The following IYD variants were observed in gnomAD, a reference collection of about 807,000 sequenced individuals.
IYD encodes iodotyrosine deiodinase 1.
IYD carries 25 observed loss-of-function variants against 28.4 expected under a neutral mutation model. That is an observed-to-expected ratio of 0.88 (90% CI 0.64 to 1.23). IYD has a LOEUF of 1.23. IYD is among the 50% of genes most tolerant of loss of function. The pLI, the probability that IYD is intolerant of heterozygous loss-of-function variation, is 0.00. For missense variants in IYD, 352 were observed against 357.9 expected, an observed-to-expected ratio of 0.98 and a Z score of 0.13; for synonymous variants, 140 against 130.8, an observed-to-expected ratio of 1.07 and a Z score of -0.48.
intron 4 of IYD, chr6:150,395,900 C>A: frequency 1.9e-6 from 1 of 539,612 alleles, no homozygotes; most frequent in South Asian, 2.5e-5. Context: ...ATGGGGTACC[C>A]CTTGGCCACT....
At position 150,400,716 on chromosome 6, in the gene IYD, T is replaced by C. The variant is rs572149862; in HGVS notation, c.*2479T>C. 1 of 152,302 alleles carries C rather than the reference T, an allele frequency of 6.6e-6. No homozygotes were observed. The highest frequency in any genetic ancestry group is 2.1e-4 in the South Asian group (1 of 4,818). 9.4% of individuals were successfully genotyped at this position (152,302 alleles called of 1,614,324 possible). On this transcript the variant is annotated 3_prime_UTR_variant, in exon 5 of 5. Coordinates refer to ENST00000344419, the MANE Select transcript of IYD (RefSeq NM_203395.3). ...ATCATCATTGGGACCACCTGGGCGCTTGTTAGAATCAAAGACTCTCAGGCC... is the reference window on the plus strand; with the variant it reads ...ATCATCATTGGGACCACCTGGGCGCCTGTTAGAATCAAAGACTCTCAGGCC...
chr6:150,369,269 A>T, intron 1 of IYD, 60 bp downstream of exon 1: 1 of 1,513,728 alleles, frequency 6.6e-7, no homozygotes, highest in Non-Finnish European at 9.1e-7. Context: ...GATGAGTGTG[A>T]GTCAATGGCA....
In IYD at chr6:150,399,466, C is replaced by T. The variant is rs1252659368; in HGVS notation, c.*1229C>T. On this transcript the variant is annotated 3_prime_UTR_variant, in exon 5 of 5. Coordinates refer to ENST00000344419, the MANE Select transcript of IYD (RefSeq NM_203395.3). ...GGTTGGGAATGCTAGATGTAGTCTT[C>T]ACCCATCACCTTCTGTCGTCCTCCC... The T allele has an allele frequency of 6.6e-6, 1 of 152,286 alleles. No homozygotes were observed. Among genetic ancestry groups the T allele is most frequent in the Non-Finnish European group, 1.5e-5 (1 of 68,126 alleles). 9.4% of individuals were successfully genotyped at this position (152,286 alleles called of 1,614,324 possible).
At chr6:150,387,421 A>T (rs1250427422) in intron 1 of IYD, among the ~76,000 whole-genome samples, 1 of 124,316 alleles carries the variant, frequency 8.0e-6, no homozygotes, top group Non-Finnish European at 1.6e-5. Flanking sequence ...GAAAGAAAAA[A>T]GTTCTTGTAA....
chr6:150,391,231 A>T (rs1438428421), intron 2 of IYD, among the ~76,000 whole-genome samples: 2 of 104,884 alleles, frequency 1.9e-5, no homozygotes, highest in Non-Finnish European at 3.6e-5. Context: ...GTGAGACGCC[A>T]TCAAAAAAAA....
chr6:150,385,261 A>G (rs1286793589), intron 1 of IYD: 1 of 152,182 alleles, frequency 6.6e-6, no homozygotes, highest in Non-Finnish European at 1.5e-5. Context: ...TTTCATATTT[A>G]GAATTGTGGT....
rs1458696581 is a variant in IYD, at chr6:150,389,543, G to A, written c.370G>A (p.Gly124Arg). 6.2e-7 allele frequency: 1 copy of A among 1,613,482 alleles called. No homozygotes were observed. The highest frequency in any genetic ancestry group is 8.5e-7 in the Non-Finnish European group (1 of 1,179,516). Residue 124 changes from glycine to arginine, a missense_variant and splice_region_variant, in exon 2 of 5, where the codon GGA becomes AGA. Physicochemically the swap from Gly to Arg is moderately radical, Grantham distance 125. Transcript: ENST00000344419. ...CATTGATAATGTCATCAGAACGGCA[G>A]GTTTGTAATTGCAGATGGGGTCTTT... ...EVIDNVIRTA[G>R]TAPSGAHTEP...
At chr6:150,379,944 T>C (rs1473718341) in intron 1 of IYD, among the ~76,000 whole-genome samples, 2 of 152,242 alleles carry the variant, frequency 1.3e-5, no homozygotes, top group South Asian at 2.1e-4. Context: ...TATTGCCCCA[T>C]GCTATGCATG....
At chr6:150,372,706 TGGGGGTGGTG>T (rs1777310690) in intron 1 of IYD, among the ~76,000 whole-genome samples, 43 of 21,052 alleles carry the variant, frequency 2.0e-3, no homozygotes, top group Admixed American at 0.015. Context: ...GGGGGTGTGT[TGGGGGTGGTG>T]AGGGAACATT....
At chr6:150,379,569 C>T (rs965608060) in intron 1 of IYD, among the ~76,000 whole-genome samples, 1 of 152,204 alleles carries the variant, frequency 6.6e-6, no homozygotes, top group Non-Finnish European at 1.5e-5. Context: ...TGCATACATA[C>T]ATTTGCTGCT....
intron 1 of IYD, 69 bp downstream of exon 1, chr6:150,369,278 C>G: frequency 6.8e-7 from 1 of 1,476,972 alleles, no homozygotes; most frequent in Middle Eastern, 2.4e-4. Flanking sequence ...GAGTCAATGG[C>G]AGGGCTTATG....
intron 4 of IYD, among the ~76,000 whole-genome samples, chr6:150,397,498 A>T (rs762652609): frequency 6.8e-6 from 1 of 147,954 alleles, no homozygotes; most frequent in Admixed American, 6.9e-5. Context: ...TGAGCCCAGG[A>T]GGCAGAGGTT....
intron 1 of IYD, among the ~76,000 whole-genome samples, chr6:150,375,612 C>T (rs1466250314): frequency 2.0e-5 from 3 of 148,244 alleles, no homozygotes; most frequent in Non-Finnish European, 4.5e-5. Flanking sequence ...GGAAGTGGGT[C>T]AAAGCAGCCT....
chr6:150,380,310 C>T (rs1452989220), intron 1 of IYD, among the ~76,000 whole-genome samples: 1 of 152,158 alleles, frequency 6.6e-6, no homozygotes, highest in Non-Finnish European at 1.5e-5. Context: ...CTCCCTAAAA[C>T]ACCACAACTA....
At chr6:150,391,042 T>A (rs1011806374) in intron 2 of IYD, among the ~76,000 whole-genome samples, 1 of 152,012 alleles carries the variant, frequency 6.6e-6, no homozygotes. Flanking sequence ...ATTGAAACCA[T>A]CCTGGCTAAA....
At chr6:150,369,388 C>A (rs902371037) in intron 1 of IYD, among the ~76,000 whole-genome samples, 179 bp downstream of exon 1, 2 of 152,122 alleles carry the variant, frequency 1.3e-5, no homozygotes, top group African/African-American at 4.8e-5. Flanking sequence ...CAGTGATGAG[C>A]TTGTCACCTG....
intron 1 of IYD, among the ~76,000 whole-genome samples, chr6:150,380,510 G>A (rs1777608280): frequency 6.6e-6 from 1 of 152,124 alleles, no homozygotes; most frequent in African/African-American, 2.4e-5. Context: ...AGGGTTAGCT[G>A]AGCTCATCCT....
intron 1 of IYD, among the ~76,000 whole-genome samples, chr6:150,379,664 G>A (rs546911210): frequency 3.3e-5 from 5 of 152,198 alleles, no homozygotes; most frequent in South Asian, 2.1e-4. Flanking sequence ...GTTACTAATC[G>A]GAGAAGATTA....
intron 1 of IYD, among the ~76,000 whole-genome samples, chr6:150,385,282 T>C (rs1161135520): frequency 6.6e-6 from 1 of 152,210 alleles, no homozygotes; most frequent in African/African-American, 2.4e-5. Context: ...GAGAACATCC[T>C]ATTTGTTCTC....
Sources: gnomAD v4.1 joint callset for allele counts (sites outside exome capture counted in the v4.1 genomes callset) on GRCh38, gnomAD v4.1.1 for gene constraint, MANE v1.5 for transcripts, NCBI Gene and HGNC (gene_info 2026-07-23, HGNC 2026-07-21) for gene names.